SUCLG2: variants seen among roughly 807,000 people sequenced by gnomAD.
The protein encoded by SUCLG2 is succinate--CoA ligase [GDP-forming] subunit beta, mitochondrial.
SUCLG2 carries 42 observed loss-of-function variants against 47.9 expected under a neutral mutation model. The observed-to-expected ratio is 0.88, with a 90% CI of 0.69 to 1.14. The LOEUF is 1.14. Ranked by LOEUF, SUCLG2 falls within the 50% of genes most tolerant of loss-of-function variation. The probability of loss-of-function intolerance (pLI) is 0.00; values close to 1 mark genes in which losing one functional copy is unlikely to be tolerated. For missense variants in SUCLG2, 571 were observed against 525.9 expected, an observed-to-expected ratio of 1.09 and a Z score of -0.84; for synonymous variants, 195 against 197.3, an observed-to-expected ratio of 0.99 and a Z score of 0.10.
At chr3:67,582,407 G>A (rs557720165) in intron 2 of SUCLG2, among the ~76,000 whole-genome samples, 2 of 152,190 alleles carry the variant, frequency 1.3e-5, no homozygotes, top group Admixed American at 6.5e-5. Flanking sequence ...TTAGGATAAC[G>A]GCTTCCAGCT....
intron 2 of SUCLG2, among the ~76,000 whole-genome samples, chr3:67,539,725 C>G (rs2107171638): frequency 6.6e-6 from 1 of 152,222 alleles, no homozygotes; most frequent in East Asian, 1.9e-4. Context: ...TAATTACTGC[C>G]TCAATTTCAG....
intron 2 of SUCLG2, among the ~76,000 whole-genome samples, chr3:67,567,139 G>A (rs1410962767): frequency 2.6e-5 from 4 of 151,770 alleles, no homozygotes; most frequent in South Asian, 2.1e-4. Context: ...CGCCAAGATC[G>A]CGCCACTGCA....
At chr3:67,651,112 T>C (rs1701277805) in intron 1 of SUCLG2, among the ~76,000 whole-genome samples, 1 of 152,174 alleles carries the variant, frequency 6.6e-6, no homozygotes, top group Admixed American at 6.5e-5. Flanking sequence ...CTAAATTCAC[T>C]GAACACCACT....
chr3:67,600,198 T>C (rs888903333), intron 2 of SUCLG2, among the ~76,000 whole-genome samples: 1 of 152,208 alleles, frequency 6.6e-6, no homozygotes, highest in African/African-American at 2.4e-5. Flanking sequence ...ATCTGACAAG[T>C]TGTATAAAAA....
At chr3:67,461,406 G>A (rs891331294) in intron 9 of SUCLG2, among the ~76,000 whole-genome samples, 15 of 152,126 alleles carry the variant, frequency 9.9e-5, no homozygotes, top group East Asian at 1.9e-4. Flanking sequence ...AATGTAATTC[G>A]AATTCCATAT....
rs574995039 is a variant in SUCLG2 at position 67,564,711 on chromosome 3, C to T, written c.227-35525G>A. 5.0e-4 allele frequency among the ~76,000 whole-genome samples: 76 copies of T among 152,236 alleles called. 1 individual carries two copies. The South Asian group carries it at 9.3e-3, about 19-fold the overall frequency. On this transcript the variant is annotated intron_variant, in intron 2 of 10. Coordinates refer to ENST00000307227, the MANE Select transcript of SUCLG2 (RefSeq NM_003848.4). ...TTATGAGATTTTTTTGCACTTTTTTCTTTTTAGTTCATGAGCTATCTATTG... is the reference window on the plus strand; with the variant it reads ...TTATGAGATTTTTTTGCACTTTTTTTTTTTTAGTTCATGAGCTATCTATTG...
At chr3:67,557,879 G>C (rs909136340) in intron 2 of SUCLG2, among the ~76,000 whole-genome samples, 1 of 152,190 alleles carries the variant, frequency 6.6e-6, no homozygotes, top group Non-Finnish European at 1.5e-5. Flanking sequence ...TACCAAGAGT[G>C]ACCTTAGGCT....
intron 1 of SUCLG2, among the ~76,000 whole-genome samples, chr3:67,621,758 G>T (rs775298432): frequency 6.6e-6 from 1 of 152,068 alleles, no homozygotes; most frequent in Non-Finnish European, 1.5e-5. Flanking sequence ...CAGCAAGAAG[G>T]CCCTCACCAG....
intron 10 of SUCLG2, among the ~76,000 whole-genome samples, chr3:67,368,079 A>G (rs1031116535): frequency 6.6e-6 from 1 of 152,148 alleles, no homozygotes; most frequent in African/African-American, 2.4e-5. Context: ...GTTATTCCCA[A>G]TGTTTGATAA....
At chr3:67,412,486 C>G (rs7620241) in intron 9 of SUCLG2, among the ~76,000 whole-genome samples, 49,661 of 151,954 alleles carry the variant, frequency 0.33, 8,351 homozygotes, top group South Asian at 0.42. Flanking sequence ...CTTTTGCAAC[C>G]TCCTCTTGGC....
intron 7 of SUCLG2, 56 bp downstream of exon 7, chr3:67,508,751 T>C: frequency 7.5e-7 from 1 of 1,331,636 alleles, no homozygotes; most frequent in Non-Finnish European, 1.0e-6. Flanking sequence ...AATTTATAGT[T>C]TGCATAAATA....
chr3:67,403,445 C>T (rs542513332), intron 9 of SUCLG2, among the ~76,000 whole-genome samples: 2 of 152,166 alleles, frequency 1.3e-5, no homozygotes, highest in Non-Finnish European at 2.9e-5. Context: ...TTAATTTCAA[C>T]AGACACTTGA....
At chr3:67,368,532 T>G (rs1389418760) in intron 10 of SUCLG2, among the ~76,000 whole-genome samples, 1 of 152,166 alleles carries the variant, frequency 6.6e-6, no homozygotes, top group African/African-American at 2.4e-5. Flanking sequence ...TTTCCCCCTC[T>G]GCATTCATGG....
chr3:67,434,992 C>T (rs752130400), intron 9 of SUCLG2, among the ~76,000 whole-genome samples: 23 of 152,200 alleles, frequency 1.5e-4, no homozygotes, highest in Non-Finnish European at 2.6e-4. Context: ...GAATAATGTA[C>T]TTGTGCTTCT....
chr3:67,600,422 T>G (rs1277584013), intron 2 of SUCLG2, among the ~76,000 whole-genome samples: 1 of 152,220 alleles, frequency 6.6e-6, no homozygotes, highest in Non-Finnish European at 1.5e-5. Flanking sequence ...GCCATCTCAA[T>G]CATTCCTTGA....
chr3:67,529,969 C>T (rs186193203), intron 2 of SUCLG2, among the ~76,000 whole-genome samples: 1 of 152,192 alleles, frequency 6.6e-6, no homozygotes, highest in Non-Finnish European at 1.5e-5. Context: ...CCCTCCCCAA[C>T]CACCAAAACA....
chr3:67,608,660 T>C (rs796769759), intron 2 of SUCLG2, among the ~76,000 whole-genome samples: 5 of 141,094 alleles, frequency 3.5e-5, no homozygotes, highest in African/African-American at 1.1e-4. Context: ...GAAAGGGAAG[T>C]TGTTTGTTGT....
At position 67,529,879 on chromosome 3, in the gene SUCLG2, C is replaced by T. The variant is rs138874386; in HGVS notation, c.227-693G>A. On this transcript the variant is annotated intron_variant, in intron 2 of 10. Coordinates refer to ENST00000307227, the MANE Select transcript of SUCLG2 (RefSeq NM_003848.4). ...ACTTTTTAGACGAGAGTTATTAACA[C>T]AAATATCTTCCCTTGCAGGGAAGTT... is the stretch of plus-strand genomic sequence containing the variant. Among the ~76,000 whole-genome samples the T allele has an allele frequency of 2.0e-4, 30 of 152,336 alleles. No individual in the cohort carries two copies. In the East Asian group the frequency reaches 5.6e-3, roughly 28 times the overall value.
intron 2 of SUCLG2, among the ~76,000 whole-genome samples, chr3:67,530,214 T>C (rs534535568): frequency 1.3e-5 from 2 of 152,194 alleles, no homozygotes; most frequent in African/African-American, 2.4e-5. Context: ...CCCAGCTGTG[T>C]GACATTAGGC....
Sources: gnomAD v4.1 joint callset for allele counts (sites outside exome capture counted in the v4.1 genomes callset) on GRCh38, gnomAD v4.1.1 for gene constraint, MANE v1.5 for transcripts, NCBI Gene and HGNC (gene_info 2026-07-23, HGNC 2026-07-21) for gene names.